Variants in CACNA2D3 observed in about 807,000 individuals in gnomAD.
The protein encoded by CACNA2D3 is calcium voltage-gated channel auxiliary subunit alpha2delta 3.
Under a neutral mutation model 160.6 loss-of-function variants are expected in CACNA2D3, and 60 were observed. The ratio of observed to expected loss-of-function variants is 0.37; its 90% CI spans 0.30 to 0.46. The LOEUF (loss-of-function observed/expected upper bound fraction) is 0.46. Among genes scored for constraint, CACNA2D3 ranks in the 20% least tolerant of loss-of-function variants. The pLI, the probability that CACNA2D3 is intolerant of heterozygous loss-of-function variation, is 1.00. For synonymous variants in CACNA2D3, 558 were observed against 492.9 expected, an observed-to-expected ratio of 1.13 and a Z score of -1.75; for missense variants, 1,205 against 1,365.0, an observed-to-expected ratio of 0.88 and a Z score of 1.85.
intron 27 of CACNA2D3, among the ~76,000 whole-genome samples, chr3:54,911,767 A>T (rs1044024807): frequency 1.3e-5 from 2 of 152,144 alleles, no homozygotes; most frequent in Non-Finnish European, 2.9e-5. Flanking sequence ...AAAGATAAGT[A>T]ATATCATGTC....
chr3:54,247,792 G>A (rs1702108801), intron 2 of CACNA2D3, among the ~76,000 whole-genome samples: 1 of 152,154 alleles, frequency 6.6e-6, no homozygotes, highest in African/African-American at 2.4e-5. Flanking sequence ...ATATTGGGAT[G>A]TCACATCTGA....
chr3:54,176,677 T>G (rs564968100), intron 2 of CACNA2D3, among the ~76,000 whole-genome samples: 1 of 152,210 alleles, frequency 6.6e-6, no homozygotes, highest in Non-Finnish European at 1.5e-5. Context: ...ACAAAAACAT[T>G]TTCTTTTGAC....
chr3:54,250,845 T>C (rs1481659056), intron 2 of CACNA2D3, among the ~76,000 whole-genome samples: 2 of 151,764 alleles, frequency 1.3e-5, no homozygotes, highest in East Asian at 3.9e-4. Context: ...TATCAGACAG[T>C]GAGTGGTAAG....
intron 2 of CACNA2D3, among the ~76,000 whole-genome samples, chr3:54,176,391 G>A (rs144766341): frequency 2.0e-5 from 3 of 152,282 alleles, no homozygotes; most frequent in South Asian, 2.1e-4. Context: ...TTCTTTTCAC[G>A]TCCTTGAAGC....
In CACNA2D3 at chr3:54,122,732, C is replaced by A; in HGVS notation, c.19C>A (p.Pro7Thr). The change falls in exon 1 of 38, where the codon CCG (proline) becomes ACG (threonine). Residue 7 changes from proline to threonine, a missense_variant. Transcript: ENST00000474759. The part of the protein sequence containing the change: MAGPGS[P>T]RRASRGASAL... Reference sequence around the variant, plus strand: ...GCCCAGCATGGCCGGGCCGGGCTCGCCGCGCCGCGCGTCCCGGGGGGCCTC... The same window carrying A: ...GCCCAGCATGGCCGGGCCGGGCTCGACGCGCCGCGCGTCCCGGGGGGCCTC... 1 of 1,209,836 alleles carries A rather than the reference C, an allele frequency of 8.3e-7. No homozygotes were observed. The highest frequency in any genetic ancestry group is 1.0e-6 in the Non-Finnish European group (1 of 972,818). 74.9% of individuals were successfully genotyped at this position (1,209,836 alleles called of 1,614,324 possible).
At chr3:54,465,585 G>T (rs1212372676) in intron 4 of CACNA2D3, among the ~76,000 whole-genome samples, 1 of 152,092 alleles carries the variant, frequency 6.6e-6, no homozygotes, top group South Asian at 2.1e-4. Context: ...TATGTTCTGG[G>T]AGGTAAACTG....
intron 35 of CACNA2D3, among the ~76,000 whole-genome samples, chr3:55,027,389 C>T (rs963153179): frequency 7.9e-5 from 12 of 152,090 alleles, no homozygotes; most frequent in Non-Finnish European, 1.8e-4. Flanking sequence ...TTTCTGTGAG[C>T]TTTGTATTCT....
intron 13 of CACNA2D3, among the ~76,000 whole-genome samples, chr3:54,781,443 C>A: frequency 6.6e-6 from 1 of 152,200 alleles, no homozygotes; most frequent in East Asian, 1.9e-4. Flanking sequence ...TGTAGCTGGT[C>A]AGTAAACAGG....
chr3:54,315,645 C>G (rs1703842748), intron 2 of CACNA2D3, among the ~76,000 whole-genome samples: 1 of 152,144 alleles, frequency 6.6e-6, no homozygotes, highest in African/African-American at 2.4e-5. Flanking sequence ...GCTGGTTGAC[C>G]TTCTGTGTGC....
At chr3:54,449,422 G>A (rs1700271163) in intron 4 of CACNA2D3, among the ~76,000 whole-genome samples, 2 of 152,152 alleles carry the variant, frequency 1.3e-5, no homozygotes, top group Admixed American at 6.6e-5. Flanking sequence ...CTAATTTGGT[G>A]TTTTAAGTTT....
At chr3:54,818,324 A>T (rs1462865091) in intron 14 of CACNA2D3, among the ~76,000 whole-genome samples, 1 of 151,852 alleles carries the variant, frequency 6.6e-6, no homozygotes, top group Non-Finnish European at 1.5e-5. Context: ...GCTGGGACAG[A>T]CATGCGCCAC....
At chr3:54,570,751 C>A (rs1305903326) in intron 8 of CACNA2D3, among the ~76,000 whole-genome samples, 1 of 152,030 alleles carries the variant, frequency 6.6e-6, no homozygotes, top group Non-Finnish European at 1.5e-5. Context: ...GTAACTTGTC[C>A]AGGTCACAAG....
chr3:54,992,159 C>G (rs1702756302), intron 31 of CACNA2D3, among the ~76,000 whole-genome samples: 1 of 152,152 alleles, frequency 6.6e-6, no homozygotes, highest in African/African-American at 2.4e-5. Flanking sequence ...GTTGCCCAGG[C>G]ACTTGTGCTC....
intron 10 of CACNA2D3, among the ~76,000 whole-genome samples, chr3:54,628,936 T>C (rs993345532): frequency 5.9e-5 from 9 of 151,944 alleles, no homozygotes; most frequent in African/African-American, 2.2e-4. Context: ...CCTGTGGAAG[T>C]TGGAACTATG....
chr3:54,403,356 A>AACAC (rs55779518), intron 4 of CACNA2D3, among the ~76,000 whole-genome samples: 4,670 of 137,590 alleles, frequency 0.034, 108 homozygotes, highest in African/African-American at 0.051. Context: ...CCCTATCTCA[A>AACAC]ACACACACAC....
intron 9 of CACNA2D3, among the ~76,000 whole-genome samples, chr3:54,605,176 T>A (rs1250465728): frequency 2.0e-5 from 3 of 152,168 alleles, no homozygotes; most frequent in Admixed American, 6.5e-5. Context: ...ACACCAGTCA[T>A]ATTGCATTAG....
intron 4 of CACNA2D3, among the ~76,000 whole-genome samples, chr3:54,400,800 A>G (rs1182766870): frequency 6.6e-6 from 1 of 152,232 alleles, no homozygotes; most frequent in Non-Finnish European, 1.5e-5. Context: ...TTGTTTCACC[A>G]GATGTGCAGA....
chr3:54,249,829 T>C (rs1015510129), intron 2 of CACNA2D3, among the ~76,000 whole-genome samples: 1 of 152,066 alleles, frequency 6.6e-6, no homozygotes, highest in East Asian at 1.9e-4. Context: ...TCAAAGTGGT[T>C]CATTATGACC....
intron 11 of CACNA2D3, among the ~76,000 whole-genome samples, chr3:54,696,386 T>C (rs1700667302): frequency 6.6e-6 from 1 of 152,222 alleles, no homozygotes; most frequent in Non-Finnish European, 1.5e-5. Context: ...TATTTTCAAA[T>C]GCCTATGAGG....
Sources: gnomAD v4.1 joint callset for allele counts (sites outside exome capture counted in the v4.1 genomes callset) on GRCh38, gnomAD v4.1.1 for gene constraint, MANE v1.5 for transcripts, NCBI Gene and HGNC (gene_info 2026-07-23, HGNC 2026-07-21) for gene names.